TRIM5: variants seen among roughly 807,000 people sequenced by gnomAD.
The protein encoded by TRIM5 is tripartite motif-containing protein 5.
In TRIM5, 31 loss-of-function variants were observed where a neutral mutation model predicts 35.6. That is an observed-to-expected ratio of 0.87 (90% CI 0.65 to 1.18). The LOEUF (loss-of-function observed/expected upper bound fraction) is 1.18, where lower values mean the gene tolerates loss of function less well. TRIM5 is among the 50% of genes most tolerant of loss of function. The pLI is 0.00. For missense variants in TRIM5, 609 were observed against 591.6 expected, an observed-to-expected ratio of 1.03 and a Z score of -0.31; for synonymous variants, 243 against 215.6, an observed-to-expected ratio of 1.13 and a Z score of -1.11.
At chr11:5,592,648 G>T in the TRIM5 span, among the ~76,000 whole-genome samples, 1 of 152,104 alleles carries the variant, frequency 6.6e-6, no homozygotes, top group South Asian at 2.1e-4. Context: ...CAGGCGTGGT[G>T]GCTCACACCT....
At chr11:5,610,268 G>C in the TRIM5 span, 2 of 1,613,916 alleles carry the variant, frequency 1.2e-6, no homozygotes, top group Non-Finnish European at 1.7e-6. Flanking sequence ...AGGGGAAAGA[G>C]TTTGGATGTG....
chr11:5,605,342 G>T, the TRIM5 span: 2 of 1,614,096 alleles, frequency 1.2e-6, no homozygotes, highest in Non-Finnish European at 1.7e-6. Context: ...TGAAGAATCA[G>T]ATGGAGCCTG....
the TRIM5 span, among the ~76,000 whole-genome samples, chr11:5,607,772 G>A: frequency 6.6e-6 from 1 of 152,154 alleles, no homozygotes; most frequent in South Asian, 2.1e-4. Flanking sequence ...AAGAGTTGCC[G>A]AACTAAGTTC....
chr11:5,657,864 C>T, the TRIM5 span, among the ~76,000 whole-genome samples: 3 of 150,918 alleles, frequency 2.0e-5, no homozygotes, highest in East Asian at 5.8e-4. Context: ...GATCTGAGAG[C>T]CTCGGCCTCC....
chr11:5,659,029 T>A (rs1179912919), downstream of TRIM5, among the ~76,000 whole-genome samples: 3 of 152,064 alleles, frequency 2.0e-5, no homozygotes, highest in South Asian at 6.2e-4. Flanking sequence ...GGAGGGATAG[T>A]ATTAGGAGAA....
At chr11:5,608,517 C>T in the TRIM5 span, 95,717 of 1,425,852 alleles carry the variant, frequency 0.067, 3,709 homozygotes, top group Middle Eastern at 0.15. Context: ...TCTTGAATCG[C>T]GCATCACATG....
chr11:5,611,379 C>A, the TRIM5 span: 1 of 1,449,744 alleles, frequency 6.9e-7, no homozygotes, highest in Non-Finnish European at 9.6e-7. Flanking sequence ...GATAAGTACC[C>A]TGAGGCTTAT....
chr11:5,677,217 T>G, intron 4 of TRIM5, among the ~76,000 whole-genome samples: 1 of 151,946 alleles, frequency 6.6e-6, no homozygotes, highest in Non-Finnish European at 1.5e-5. Context: ...GACAAAGGGC[T>G]AATATCCGGA....
the TRIM5 span, chr11:5,632,455 A>T: frequency 6.2e-7 from 1 of 1,614,018 alleles, no homozygotes; most frequent in Non-Finnish European, 8.5e-7. Flanking sequence ...CATCACTGTG[A>T]GCAACAAGGA....
Position 5,678,421 on chromosome 11 carries a change from T to C in TRIM5, c.527A>G (p.Tyr176Cys). The C allele has an allele frequency of 6.3e-7, 1 of 1,575,864 alleles. No individual in the cohort carries two copies. The highest frequency in any genetic ancestry group is 8.6e-7 in the Non-Finnish European group (1 of 1,157,322). ...ATCTGCCAAGACGTTGGTTTTGTCA[T>C]ACTGTATTTGAGTCTTCAGAGATAA... is the stretch of plus-strand genomic sequence containing the variant. ...EKASWKTQIQ[Y>C]DKTNVLADFE... Residue 176 changes from tyrosine to cysteine, a missense_variant, in exon 4 of 8, where the codon TAT becomes TGT. By Grantham distance (194) the Tyr-to-Cys change is radical. Transcript: ENST00000380034.
At chr11:5,616,053 C>T in the TRIM5 span, among the ~76,000 whole-genome samples, 3,779 of 149,732 alleles carry the variant, frequency 0.025, 141 homozygotes, top group African/African-American at 0.086. Flanking sequence ...CGGGTTCACG[C>T]CATTCTCCTG....
downstream of TRIM5, among the ~76,000 whole-genome samples, chr11:5,660,735 T>C (rs1850785453): frequency 6.6e-6 from 1 of 152,016 alleles, no homozygotes; most frequent in Non-Finnish European, 1.5e-5. Flanking sequence ...TGGTGGTTAA[T>C]ACAAAGATAT....
At chr11:5,608,408 G>T in the TRIM5 span, 1 of 1,613,448 alleles carries the variant, frequency 6.2e-7, no homozygotes, top group Non-Finnish European at 8.5e-7. Context: ...TGTGTAAGGA[G>T]AACATGAGGT....
the TRIM5 span, among the ~76,000 whole-genome samples, chr11:5,617,779 C>T: frequency 2.0e-5 from 3 of 151,666 alleles, no homozygotes; most frequent in Non-Finnish European, 4.4e-5. Context: ...CTTGGGCCAC[C>T]GCGCATGGCC....
chr11:5,643,927 A>C, the TRIM5 span: 1 of 608,272 alleles, frequency 1.6e-6, no homozygotes, highest in South Asian at 2.6e-5. Flanking sequence ...AATCCCTCCT[A>C]AAGACACAGC....
At chr11:5,605,293 A>G in the TRIM5 span, 2 of 1,612,038 alleles carry the variant, frequency 1.2e-6, no homozygotes, top group East Asian at 4.5e-5. Flanking sequence ...GGAGACCCTC[A>G]GTGTGACCGA....
Position 5,665,985 on chromosome 11 carries a change from A to G in TRIM5, c.864T>C (p.Phe288=). ...APDLKGMLEV[F]RELTDVRRYW... is the part of the protein sequence containing the mutation. Reference sequence around the variant, plus strand: ...TGTTGATCTAGCTCTCCTCACCTCTAAACACTTCTAGCATTCCTTTCAGAT... The same window carrying G: ...TGTTGATCTAGCTCTCCTCACCTCTGAACACTTCTAGCATTCCTTTCAGAT... The change falls in exon 6 of 8, where the codon TTT becomes TTC. Residue 288 remains phenylalanine, a synonymous_variant. Coordinates refer to ENST00000380034, the MANE Select transcript of TRIM5 (RefSeq NM_033034.3). 1.2e-6 allele frequency: 2 copies of G among 1,609,678 alleles called. No individual in the cohort carries two copies. Among genetic ancestry groups the G allele is most frequent in the South Asian group, 2.2e-5 (2 of 90,270 alleles).
chr11:5,684,015 C>G (rs1394885766), intron 1 of TRIM5: 2 of 154,720 alleles, frequency 1.3e-5, no homozygotes, highest in Non-Finnish European at 1.4e-5. Context: ...CCTCCTGAGC[C>G]AGCGAGACCA....
chr11:5,629,618 A>C, the TRIM5 span, among the ~76,000 whole-genome samples: 1 of 152,204 alleles, frequency 6.6e-6, no homozygotes, highest in Non-Finnish European at 1.5e-5. Flanking sequence ...ATTTGCACTC[A>C]TGCAGCTTAA....
Sources: allele counts gnomAD v4.1 joint callset (sites outside exome capture counted in the v4.1 genomes callset), GRCh38; gene constraint gnomAD v4.1.1; transcripts MANE v1.5; gene names NCBI Gene and HGNC (gene_info 2026-07-23, HGNC 2026-07-21).